RHBDL3: variants seen among roughly 807,000 people sequenced by gnomAD.
RHBDL3 encodes the protein rhomboid-related protein 3.
A neutral mutation model predicts 48.2 loss-of-function variants in RHBDL3; 28 were observed. That is an observed-to-expected ratio of 0.58 (90% CI 0.43 to 0.80). The LOEUF (loss-of-function observed/expected upper bound fraction) is 0.80. Ranked by LOEUF, RHBDL3 falls within the 30% of genes least tolerant of loss-of-function variation. The pLI, the probability that RHBDL3 is intolerant of heterozygous loss-of-function variation, is 0.00. For synonymous variants in RHBDL3, 208 were observed against 232.3 expected, an observed-to-expected ratio of 0.90 and a Z score of 0.95; for missense variants, 464 against 542.7, an observed-to-expected ratio of 0.85 and a Z score of 1.44.
intron 5 of RHBDL3, among the ~76,000 whole-genome samples, chr17:32,296,049 AC>A (rs1402959954): frequency 1.3e-5 from 2 of 151,768 alleles, no homozygotes; most frequent in African/African-American, 4.8e-5. Context: ...ACATGGTGAA[AC>A]CCCGTCTCTA....
chr17:32,275,463 G>A (rs1379264168), intron 2 of RHBDL3, among the ~76,000 whole-genome samples: 2 of 152,220 alleles, frequency 1.3e-5, no homozygotes, highest in South Asian at 4.1e-4. Flanking sequence ...TCCCCCAGGG[G>A]CGGGAAGGAA....
chr17:32,292,178 CCTTTTAGAGATTAAACAAGTATG>C (rs1340574363), intron 4 of RHBDL3, among the ~76,000 whole-genome samples: 1 of 152,050 alleles, frequency 6.6e-6, no homozygotes, highest in Non-Finnish European at 1.5e-5. Context: ...AGTTAAATAC[CCTTTTAGAGATTAAACAAGTATG>C]CTTCAGTCAC....
intron 6 of RHBDL3, among the ~76,000 whole-genome samples, chr17:32,299,867 C>T (rs1253329907): frequency 6.6e-6 from 1 of 152,166 alleles, no homozygotes; most frequent in Non-Finnish European, 1.5e-5. Context: ...CTCTGGTCAC[C>T]ACACATGTCA....
At chr17:32,292,980 C>T (rs550191610) in intron 4 of RHBDL3, among the ~76,000 whole-genome samples, 1 of 151,856 alleles carries the variant, frequency 6.6e-6, no homozygotes, top group Admixed American at 6.6e-5. Flanking sequence ...AGAGTGAGAT[C>T]CTGTCTCAAA....
At chr17:32,318,196 A>G (rs1829847076) in intron 8 of RHBDL3, among the ~76,000 whole-genome samples, 1 of 151,870 alleles carries the variant, frequency 6.6e-6, no homozygotes, top group African/African-American at 2.4e-5. Flanking sequence ...ACACACACAC[A>G]CACAAAAATT....
At chr17:32,307,983 T>C (rs11653974) in intron 7 of RHBDL3, among the ~76,000 whole-genome samples, 80,639 of 151,950 alleles carry the variant, frequency 0.53, 22,283 homozygotes, top group Non-Finnish European at 0.6. Flanking sequence ...CACGCTGGCA[T>C]TCATAACGAT....
In RHBDL3 at chr17:32,298,041, T is replaced by C. The variant is rs759705649; in HGVS notation, c.669-51T>C. 22 of 1,268,452 alleles carry C rather than the reference T, an allele frequency of 1.7e-5. No homozygotes were observed. In the African/African-American group the frequency reaches 2.9e-4, roughly 17 times the overall value. 78.6% of individuals were successfully genotyped at this position (1,268,452 alleles called of 1,614,324 possible). ...TGCAGGTGTTTGTTGAATGAATGAA[T>C]GAATGAATGAATGAATAGATGAATG... On this transcript the variant is annotated intron_variant, in intron 5 of 8. Coordinates refer to ENST00000269051, the MANE Select transcript of RHBDL3 (RefSeq NM_138328.3).
chr17:32,279,864 CTGGGGAAGGAGCCCCAGAT>C (rs1432315903), intron 2 of RHBDL3, among the ~76,000 whole-genome samples: 1 of 152,196 alleles, frequency 6.6e-6, no homozygotes, highest in Non-Finnish European at 1.5e-5. Flanking sequence ...TTGCCCCAGA[CTGGGGAAGGAGCCCCAGAT>C]GGCAGCAATA....
At chr17:32,274,544 C>T (rs1328164629) in intron 2 of RHBDL3, among the ~76,000 whole-genome samples, 3 of 152,172 alleles carry the variant, frequency 2.0e-5, no homozygotes, top group African/African-American at 7.2e-5. Context: ...CTCAGCAGCC[C>T]TGTGAGGTGT....
At chr17:32,282,912 G>A (rs1256117896) in intron 2 of RHBDL3, among the ~76,000 whole-genome samples, 1 of 152,156 alleles carries the variant, frequency 6.6e-6, no homozygotes, top group Non-Finnish European at 1.5e-5. Context: ...ATGAGCCACC[G>A]CGCCCGGCCT....
intron 4 of RHBDL3, among the ~76,000 whole-genome samples, chr17:32,289,292 C>A (rs557208289): frequency 5.3e-5 from 8 of 152,188 alleles, no homozygotes; most frequent in Admixed American, 2.6e-4. Flanking sequence ...CACTACCCCC[C>A]ACCCACCCCA....
chr17:32,266,206 G>T lies in RHBDL3; in HGVS notation c.17G>T (p.Ser6Ile). 1 of 1,394,518 alleles carries T rather than the reference G, an allele frequency of 7.2e-7. No individual in the cohort carries two copies. Among genetic ancestry groups the T allele is most frequent in the Non-Finnish European group, 9.3e-7 (1 of 1,079,108 alleles). The allele number at this position is 1,394,518 out of a possible 1,614,324, so 86.4% of individuals were successfully genotyped here. A position where few individuals can be genotyped will look rare whatever the true frequency, so the allele number is the denominator to read the frequency against. Reference protein sequence around the residue: MGEHPSPGPAVAACAE... With the variant: MGEHPIPGPAVAACAE... ...GTCTCGGCCATGGGCGAGCACCCCAGCCCGGGCCCCGCGGTGGCCGCCTGC... is the reference window on the plus strand; with the variant it reads ...GTCTCGGCCATGGGCGAGCACCCCATCCCGGGCCCCGCGGTGGCCGCCTGC... Residue 6 changes from serine to isoleucine, a missense_variant, in exon 1 of 9, where the codon AGC becomes ATC. By Grantham distance (142) the Ser-to-Ile change is moderately radical. Coordinates refer to ENST00000269051, the MANE Select transcript of RHBDL3 (RefSeq NM_138328.3).
At chr17:32,277,102 G>A (rs2039931941) in intron 2 of RHBDL3, among the ~76,000 whole-genome samples, 1 of 152,184 alleles carries the variant, frequency 6.6e-6, no homozygotes, top group Non-Finnish European at 1.5e-5. Context: ...CTAGATCCCA[G>A]GTCTCCACCT....
At chr17:32,277,344 A>T (rs1394756185) in intron 2 of RHBDL3, among the ~76,000 whole-genome samples, 1 of 152,222 alleles carries the variant, frequency 6.6e-6, no homozygotes, top group African/African-American at 2.4e-5. Context: ...TCATAGACAC[A>T]AGAAGACAGA....
chr17:32,282,247 G>A (rs2040069691), intron 2 of RHBDL3, among the ~76,000 whole-genome samples: 2 of 152,206 alleles, frequency 1.3e-5, no homozygotes, highest in African/African-American at 2.4e-5. Flanking sequence ...ATTTTGGCTT[G>A]AAGGTGGGAG....
intron 6 of RHBDL3, among the ~76,000 whole-genome samples, chr17:32,302,821 C>T (rs1244122183): frequency 6.6e-6 from 1 of 152,168 alleles, no homozygotes; most frequent in African/African-American, 2.4e-5. Flanking sequence ...CTGGAAGGAA[C>T]CAGGGAGGTC....
intron 7 of RHBDL3, among the ~76,000 whole-genome samples, chr17:32,315,044 CTG>C (rs2040938477): frequency 6.6e-6 from 1 of 152,266 alleles, no homozygotes; most frequent in Admixed American, 6.5e-5. Context: ...GAACTGAAGG[CTG>C]TGAGGATTTC....
At chr17:32,283,772 T>C (rs2040127007) in intron 2 of RHBDL3, among the ~76,000 whole-genome samples, 1 of 152,156 alleles carries the variant, frequency 6.6e-6, no homozygotes, top group South Asian at 2.1e-4. Context: ...GGGGATAAGT[T>C]GTGATACCGA....
At chr17:32,278,550 T>A (rs2039967061) in intron 2 of RHBDL3, among the ~76,000 whole-genome samples, 1 of 152,206 alleles carries the variant, frequency 6.6e-6, no homozygotes, top group Non-Finnish European at 1.5e-5. Flanking sequence ...GGTGGACACA[T>A]AAGAGGATTG....
Sources: gnomAD v4.1 joint callset for allele counts (sites outside exome capture counted in the v4.1 genomes callset) on GRCh38, gnomAD v4.1.1 for gene constraint, MANE v1.5 for transcripts, NCBI Gene and HGNC (gene_info 2026-07-23, HGNC 2026-07-21) for gene names.